The following TACC2 variants were observed in gnomAD, a reference collection of about 807,000 sequenced individuals.
TACC2 encodes transforming acidic coiled-coil containing protein 2, also known as transforming acidic coiled-coil-containing protein 2.
TACC2 carries 137 observed loss-of-function variants against 227.3 expected under a neutral mutation model. The ratio of observed to expected loss-of-function variants is 0.60; its 90% confidence interval spans 0.52 to 0.69. The LOEUF is 0.69. TACC2 is among the 30% of genes least tolerant of loss of function. The pLI, the probability that TACC2 is intolerant of heterozygous loss-of-function variation, is 0.00. For missense variants in TACC2, 3,470 were observed against 3,694.4 expected, an observed-to-expected ratio of 0.94 and a Z score of 1.57; for synonymous variants, 1,523 against 1,487.5, an observed-to-expected ratio of 1.02 and a Z score of -0.55.
chr10:122,234,135 C>G (rs2095812966), intron 16 of TACC2, among the ~76,000 whole-genome samples: 1 of 152,214 alleles, frequency 6.6e-6, no homozygotes, highest in Non-Finnish European at 1.5e-5. Context: ...GAATTGGCCT[C>G]TCTCTGCTCC....
intron 7 of TACC2, chr10:122,163,790 G>T (rs1423552655): frequency 1.6e-6 from 2 of 1,235,602 alleles, no homozygotes; most frequent in Non-Finnish European, 2.0e-6. Context: ...CGCCGCCACG[G>T]ATGCCCGCAG....
At chr10:122,226,311 G>A (rs756255597) in intron 12 of TACC2, 55 bp from the exon 13 acceptor site, 5 of 1,235,088 alleles carry the variant, frequency 4.0e-6, no homozygotes, top group Admixed American at 1.8e-5. Context: ...TTTCATCTCC[G>A]TTGCACGTTC....
Position 122,249,015 on chromosome 10 carries a change from G to C in TACC2, c.8554-35G>C, listed in dbSNP as rs571860211. 1.1e-4 allele frequency: 173 copies of C among 1,588,200 alleles called. 5 individuals are homozygous for C. The South Asian group carries it at 1.9e-3, about 17-fold the overall frequency. On this transcript the variant is annotated intron_variant, in intron 20 of 22. Coordinates refer to ENST00000369005, the MANE Select transcript of TACC2 (RefSeq NM_206862.4). ...ACCAGTGCTGGGCATTTGTTCTCGT[G>C]GGCTTGACGCCTGTCCTCTGCCCTG... is the stretch of plus-strand genomic sequence containing the variant.
intron 19 of TACC2, among the ~76,000 whole-genome samples, chr10:122,242,280 T>C (rs2096013410): frequency 6.6e-6 from 1 of 152,192 alleles, no homozygotes; most frequent in Non-Finnish European, 1.5e-5. Context: ...ACTCTCTACT[T>C]TGTGGGGAAA....
At chr10:122,196,081 G>A (rs2094559432) in intron 8 of TACC2, among the ~76,000 whole-genome samples, 1 of 152,222 alleles carries the variant, frequency 6.6e-6, no homozygotes, top group Non-Finnish European at 1.5e-5. Flanking sequence ...TCTTCCTCCC[G>A]AGGGCAAACT....
chr10:122,083,361 CAGAG>C lies in TACC2; in HGVS notation c.863_866del (p.Arg288LysfsTer12). On this transcript the variant is annotated frameshift_variant, in exon 4 of 23. Coordinates refer to ENST00000369005, the MANE Select transcript of TACC2 (RefSeq NM_206862.4). LOFTEE classifies it high-confidence loss of function. ...AAGATCCAGCCCCAAGAGCCTCAGA[CAGAG>C]AAAGAGGCCAAGGGGAGGCGCCGCC... 3 of 1,613,954 alleles carry C rather than the reference CAGAG, an allele frequency of 1.9e-6. No individual in the cohort carries two copies. Among genetic ancestry groups the C allele is most frequent in the Non-Finnish European group, 2.5e-6 (3 of 1,180,012 alleles).
At chr10:122,016,754 T>C (rs1956697367) in intron 1 of TACC2, among the ~76,000 whole-genome samples, 1 of 152,170 alleles carries the variant, frequency 6.6e-6, no homozygotes, top group Admixed American at 6.6e-5. Context: ...ACTCCAAGTT[T>C]CTTCTTCTAT....
chr10:122,060,020 G>C (rs535123617), intron 3 of TACC2, among the ~76,000 whole-genome samples: 1 of 152,292 alleles, frequency 6.6e-6, no homozygotes, highest in South Asian at 2.1e-4. Context: ...AGAAGGAGGT[G>C]ATACAGGAAC....
At chr10:122,166,860 T>C (rs1202673526) in intron 7 of TACC2, among the ~76,000 whole-genome samples, 1 of 152,164 alleles carries the variant, frequency 6.6e-6, no homozygotes, top group Non-Finnish European at 1.5e-5. Flanking sequence ...GAGGGAGAAT[T>C]CTCCCACAGA....
rs1244242902 is a variant in TACC2, at chr10:122,230,583, C to T, written c.8127+143C>T. On this transcript the variant is annotated intron_variant, in intron 16 of 22. Transcript: ENST00000369005. ...CGTTTCCAAAAAGCTGAAAGCGTCA[C>T]TCTTGCATAAATACACACTGAGCAC... The T allele has an allele frequency of 1.9e-5, 13 of 699,080 alleles. No homozygotes were observed. In the Admixed American group the frequency reaches 2.4e-4, roughly 13 times the overall value. 43.3% of individuals were successfully genotyped at this position (699,080 alleles called of 1,614,324 possible).
At chr10:122,049,566 A>G (rs544576480) in intron 2 of TACC2, among the ~76,000 whole-genome samples, 3 of 152,248 alleles carry the variant, frequency 2.0e-5, no homozygotes, top group Non-Finnish European at 4.4e-5. Context: ...ATCCCAGAAC[A>G]AGGGGTGCAT....
rs201276537 is a variant in TACC2 at position 122,083,135 on chromosome 10, C to T, written c.635C>T (p.Pro212Leu). The T allele has an allele frequency of 1.1e-4, 181 of 1,613,136 alleles. 1 individual carries two copies. In the East Asian group the frequency reaches 3.6e-3, roughly 32 times the overall value. Residue 212 changes from proline to leucine, a missense_variant, in exon 4 of 23, where the codon CCG becomes CTG. Physicochemically the swap from Pro to Leu is moderately conservative, Grantham distance 98. This residue lies in a region of TACC2 where 405 missense variants were observed against 389.6 expected (regional missense o/e 1.04). Coordinates refer to ENST00000369005, the MANE Select transcript of TACC2 (RefSeq NM_206862.4). ...CCCCTCAGAGAGCCAATGAAGGCACCGCTGTGTGGAGAGGGGGACCAGCCT... is the reference window on the plus strand; with the variant it reads ...CCCCTCAGAGAGCCAATGAAGGCACTGCTGTGTGGAGAGGGGGACCAGCCT... ...PVPLREPMKAPLCGEGDQPGG... is the reference protein window; with the variant it reads ...PVPLREPMKALLCGEGDQPGG...
In TACC2 at chr10:122,050,722, C is replaced by T; in HGVS notation, c.146+172C>T. 1.7e-6 allele frequency: 1 copy of T among 572,068 alleles called. No homozygotes were observed. Among genetic ancestry groups the T allele is most frequent in the Non-Finnish European group, 3.1e-6 (1 of 318,784 alleles). 35.4% of individuals were successfully genotyped at this position (572,068 alleles called of 1,614,324 possible). On this transcript the variant is annotated intron_variant, in intron 3 of 22. Coordinates refer to ENST00000369005, the MANE Select transcript of TACC2 (RefSeq NM_206862.4). This position sits in a 1 kb window ranked among gnomAD's most constrained non-coding sequence, Gnocchi z 4.6. ...GGTTCACAGACCTCTCTGTGACTGG[C>T]TAGGCCTGCATGATTGAAAAATTCA...
intron 2 of TACC2, among the ~76,000 whole-genome samples, chr10:122,049,053 C>T (rs1356937257): frequency 1.3e-5 from 2 of 152,108 alleles, no homozygotes; most frequent in Non-Finnish European, 2.9e-5. Context: ...GGTGTTTGAC[C>T]AGGGAGTACT....
At chr10:122,134,235 A>G (rs1013899381) in intron 6 of TACC2, among the ~76,000 whole-genome samples, 9 of 150,456 alleles carry the variant, frequency 6.0e-5, no homozygotes, top group African/African-American at 2.2e-4. Flanking sequence ...ACAGTGGCAC[A>G]ATCTCTGCTC....
chr10:122,237,304 A>G, intron 16 of TACC2, 91 bp from the exon 17 acceptor site: 1 of 1,255,468 alleles, frequency 8.0e-7, no homozygotes, highest in Non-Finnish European at 1.1e-6. Flanking sequence ...AAAACCATAC[A>G]ATTGGCCCAT....
intron 2 of TACC2, among the ~76,000 whole-genome samples, chr10:122,041,441 CTTT>C (rs537169387): frequency 1.4e-5 from 2 of 140,182 alleles, no homozygotes; most frequent in Admixed American, 7.2e-5. Flanking sequence ...AGTTTCCTTT[CTTT>C]TTTTTTTTTT....
chr10:122,242,833 TA>T (rs1001221817), intron 19 of TACC2, among the ~76,000 whole-genome samples: 1 of 152,202 alleles, frequency 6.6e-6, no homozygotes, highest in African/African-American at 2.4e-5. Context: ...GGGGTCTTGC[TA>T]CGTTGCCCAG....
In TACC2 at chr10:122,230,256, A is replaced by C. The variant is rs1159501132; in HGVS notation, c.8038-95A>C. On this transcript the variant is annotated intron_variant, in intron 15 of 22. Coordinates refer to ENST00000369005, the MANE Select transcript of TACC2 (RefSeq NM_206862.4). ...GTTTTTCCCGAGTGCCTGTCATGAC[A>C]CATTTTCGTGGCACGTTCATTTCTC... 3.8e-6 allele frequency: 4 copies of C among 1,041,352 alleles called. No homozygotes were observed. In the African/African-American group the frequency reaches 6.3e-5, roughly 16 times the overall value. 64.5% of individuals were successfully genotyped at this position (1,041,352 alleles called of 1,614,324 possible).
Sources: gnomAD v4.1 joint callset for allele counts (sites outside exome capture counted in the v4.1 genomes callset) on GRCh38, gnomAD v4.1.1 for gene constraint, gnomAD v4.1.1 regional missense constraint, Gnocchi (gnomAD v3.1) non-coding constraint, MANE v1.5 for transcripts, NCBI Gene and HGNC (gene_info 2026-07-23, HGNC 2026-07-21) for gene names.